The following PRDM15 variants were observed in gnomAD, a reference collection of about 807,000 sequenced individuals.
PRDM15 encodes PR domain zinc finger protein 15.
PRDM15 carries 64 observed loss-of-function variants against 128.6 expected under a neutral mutation model. The ratio of observed to expected loss-of-function variants is 0.50; its 90% CI spans 0.41 to 0.61. PRDM15 has a LOEUF of 0.61. Among genes scored for constraint, PRDM15 ranks in the 20% least tolerant of loss-of-function variants. PRDM15 has a pLI of 0.00. For synonymous variants in PRDM15, 615 were observed against 621.8 expected (o/e 0.99, Z 0.16); for missense variants, 1,242 against 1,569.1 (o/e 0.79, Z 3.52).
At chr21:41,865,329 C>T (rs547612674) in intron 1 of PRDM15, among the ~76,000 whole-genome samples, 5 of 152,330 alleles carry the variant, frequency 3.3e-5, no homozygotes, top group Middle Eastern at 3.4e-3. Flanking sequence ...CACCGTCACC[C>T]GTGTAGCCAT....
chr21:41,819,816 CAG>C (rs2062187497), intron 17 of PRDM15, 115 bp from the exon 18 acceptor site: 4 of 1,387,260 alleles, frequency 2.9e-6, no homozygotes, highest in Admixed American at 2.0e-5. Context: ...AGCGCAGTAA[CAG>C]GGGTGGGGTC....
intron 16 of PRDM15, among the ~76,000 whole-genome samples, chr21:41,820,454 A>G (rs1459083305): frequency 6.6e-6 from 1 of 152,168 alleles, no homozygotes; most frequent in Non-Finnish European, 1.5e-5. Context: ...GTGGTCCCTG[A>G]CCAATCTGAC....
chr21:41,819,520 C>T, intron 18 of PRDM15, 62 bp downstream of exon 18: 25 of 1,548,322 alleles, frequency 1.6e-5, no homozygotes, highest in Non-Finnish European at 2.2e-5. Flanking sequence ...TGTCCCCTTC[C>T]AGCACCCTGC....
At chr21:41,869,670 T>A (rs2064143629) in intron 1 of PRDM15, among the ~76,000 whole-genome samples, 1 of 152,158 alleles carries the variant, frequency 6.6e-6, no homozygotes. Flanking sequence ...GGTCTTGAAC[T>A]CCTAGGCTCA....
intron 3 of PRDM15, among the ~76,000 whole-genome samples, chr21:41,857,932 G>T (rs923118817): frequency 6.6e-6 from 1 of 152,078 alleles, no homozygotes; most frequent in Non-Finnish European, 1.5e-5. Context: ...ACACCATGGC[G>T]GGGCTGTGCA....
chr21:41,824,680 C>T (rs2062405645), intron 13 of PRDM15, among the ~76,000 whole-genome samples: 1 of 152,176 alleles, frequency 6.6e-6, no homozygotes, highest in Admixed American at 6.5e-5. Context: ...ATAGCTGGCC[C>T]AGCTCGCAAA....
At chr21:41,815,534 G>C (rs1018644695) in intron 19 of PRDM15, among the ~76,000 whole-genome samples, 171 bp downstream of exon 19, 1 of 152,212 alleles carries the variant, frequency 6.6e-6, no homozygotes, top group African/African-American at 2.4e-5. Flanking sequence ...GGGACCTTTT[G>C]AGATATGCAG....
chr21:41,845,967 C>T (rs1192696592), intron 6 of PRDM15, among the ~76,000 whole-genome samples: 1 of 152,044 alleles, frequency 6.6e-6, no homozygotes, highest in Non-Finnish European at 1.5e-5. Context: ...ACCCAGCTGC[C>T]CTGCTCTGCT....
At chr21:41,857,371 A>G (rs1257264605) in intron 3 of PRDM15, 42 bp from the exon 4 acceptor site, 2 of 1,606,114 alleles carry the variant, frequency 1.2e-6, no homozygotes, top group East Asian at 2.2e-5. Flanking sequence ...GAGCACTCAC[A>G]CCCAGGGACC....
rs769307940 is a variant in PRDM15, at chr21:41,810,669, T to C, written c.2476+84A>G. 4.9e-5 allele frequency: 52 copies of C among 1,061,460 alleles called. No individual in the cohort carries two copies. In the Middle Eastern group the frequency reaches 3.8e-3, roughly 77 times the overall value. The allele number at this position is 1,061,460 out of a possible 1,614,324, so 65.8% of individuals were successfully genotyped here. ...TGGAACCGTCTAGATAATAGAATAG[T>C]CGTTTCCACCCCAGCAGGCACTCAG... On this transcript the variant is annotated intron_variant, in intron 20 of 23. Transcript: ENST00000398548. The surrounding 1 kb of genome is among the most constrained non-coding windows in gnomAD (Gnocchi z 6.4).
chr21:41,806,989 CCCATCACCTCTA>C (rs2061700527), intron 21 of PRDM15, among the ~76,000 whole-genome samples: 1 of 149,796 alleles, frequency 6.7e-6, no homozygotes, highest in African/African-American at 2.5e-5. Context: ...CACCACCTCC[CCCATCACCTCTA>C]CCACCACCAT....
At chr21:41,830,269 T>C (rs2062638613) in intron 11 of PRDM15, among the ~76,000 whole-genome samples, 1 of 132,040 alleles carries the variant, frequency 7.6e-6, no homozygotes, top group African/African-American at 2.9e-5. Flanking sequence ...CCCACACAAA[T>C]ACACACTCAA....
At chr21:41,819,742 C>A in intron 17 of PRDM15, 41 bp from the exon 18 acceptor site, 1 of 1,566,746 alleles carries the variant, frequency 6.4e-7, no homozygotes. Flanking sequence ...CGAGCAGCTC[C>A]GACCTGCAGT....
intron 1 of PRDM15, 51 bp from the exon 2 acceptor site, chr21:41,860,423 T>C: frequency 6.5e-7 from 1 of 1,546,002 alleles, no homozygotes; most frequent in South Asian, 1.1e-5. Flanking sequence ...ACCAAAATAC[T>C]TTTGTTTTGT....
In PRDM15 at chr21:41,839,618, A is replaced by G. The variant is rs746263329; in HGVS notation, c.871+5T>C. 2 of 1,613,638 alleles carry G rather than the reference A, an allele frequency of 1.2e-6. No individual in the cohort carries two copies. Among genetic ancestry groups the G allele is most frequent in the Non-Finnish European group, 1.7e-6 (2 of 1,179,664 alleles). Reference sequence around the variant, plus strand: ...AGGCACTCATCCCCGGGACCCGCTCATCACCTGTGGGTTCCTTGTCTTCCA... The same window carrying G: ...AGGCACTCATCCCCGGGACCCGCTCGTCACCTGTGGGTTCCTTGTCTTCCA... On this transcript the variant is annotated splice_donor_5th_base_variant and intron_variant, in intron 7 of 23. Transcript: ENST00000398548.
At position 41,859,712 on chromosome 21, in the gene PRDM15, G is replaced by A. The variant is rs751502611; in HGVS notation, c.38-27C>T. On this transcript the variant is annotated intron_variant, in intron 2 of 23. Transcript: ENST00000398548. This position sits in a 1 kb window ranked among gnomAD's most constrained non-coding sequence, Gnocchi z 5.3. ...TGCAAGCAGACATCCGGGCATTAGA[G>A]CACCCAGGGAGGGAGACACCTAAAG... 3.1e-6 allele frequency: 5 copies of A among 1,597,836 alleles called. No homozygotes were observed. Among genetic ancestry groups the A allele is most frequent in the Non-Finnish European group, 4.3e-6 (5 of 1,166,692 alleles).
chr21:41,854,829 G>A lies in PRDM15; in HGVS notation c.286-11C>T. 6.3e-7 allele frequency: 1 copy of A among 1,593,944 alleles called. No homozygotes were observed. Reference sequence around the variant, plus strand: ...GTCCTTCTGGAACACCTGAAGGTGAGTCGGCCCATGGAGAAGCCGGGGAAA... The same window carrying A: ...GTCCTTCTGGAACACCTGAAGGTGAATCGGCCCATGGAGAAGCCGGGGAAA... On this transcript the variant is annotated splice_polypyrimidine_tract_variant and intron_variant, in intron 4 of 23. Transcript: ENST00000398548. This position sits in a 1 kb window ranked among gnomAD's most constrained non-coding sequence, Gnocchi z 4.6.
intron 13 of PRDM15, among the ~76,000 whole-genome samples, chr21:41,825,405 C>T (rs1045715082): frequency 6.6e-6 from 1 of 151,026 alleles, no homozygotes; most frequent in East Asian, 1.9e-4. Flanking sequence ...ATGGCCCCCT[C>T]ACCGTGCAGC....
chr21:41,858,452 G>A (rs28488623), intron 3 of PRDM15, among the ~76,000 whole-genome samples: 1 of 149,852 alleles, frequency 6.7e-6, no homozygotes, highest in Non-Finnish European at 1.5e-5. Context: ...AGGCGGACAT[G>A]GGGTGCCCAG....
Sources: allele counts gnomAD v4.1 joint callset (sites outside exome capture counted in the v4.1 genomes callset), GRCh38; gene constraint gnomAD v4.1.1; non-coding constraint Gnocchi (gnomAD v3.1); transcripts MANE v1.5; gene names NCBI Gene and HGNC (gene_info 2026-07-23, HGNC 2026-07-21).